The following DUSP29 variants were observed in gnomAD, a reference collection of about 807,000 sequenced individuals.
DUSP29 encodes atypical dual-specific protein phosphatase.
A neutral mutation model predicts 13.5 loss-of-function variants in DUSP29; 12 were observed. That is an observed-to-expected ratio of 0.89 (90% confidence interval 0.57 to 1.44). DUSP29 has a LOEUF of 1.44. Ranked by LOEUF, DUSP29 falls within the 40% of genes most tolerant of loss-of-function variation. The probability of loss-of-function intolerance (pLI) is 0.00; values close to 1 mark genes in which losing one functional copy is unlikely to be tolerated. For missense variants in DUSP29, 308 were observed against 301.1 expected, an observed-to-expected ratio of 1.02 and a Z score of -0.17; for synonymous variants, 134 against 128.7, an observed-to-expected ratio of 1.04 and a Z score of -0.28.
intron 1 of DUSP29, among the ~76,000 whole-genome samples, chr10:75,064,641 G>GAGCC (rs748521694): frequency 1.3e-5 from 2 of 152,168 alleles, no homozygotes; most frequent in Non-Finnish European, 2.9e-5. Context: ...TTACAAGCAT[G>GAGCC]AGCCACTGCA....
Position 75,037,879 on chromosome 10 carries a change from G to A in DUSP29, c.620C>T (p.Ser207Phe), listed in dbSNP as rs1846496566. ...DKQLVQQRRRSQRQDGEEEDG... is the reference protein window; with the variant it reads ...DKQLVQQRRRFQRQDGEEEDG... Reference sequence around the variant, plus strand: ...CTCCTCCTCACCGTCCTGGCGCTGGGACCGTCGCCTCTGCTGCACCAGCTG... The same window carrying A: ...CTCCTCCTCACCGTCCTGGCGCTGGAACCGTCGCCTCTGCTGCACCAGCTG... Residue 207 changes from serine to phenylalanine, a missense_variant, in exon 4 of 4, where the codon TCC becomes TTC. Transcript: ENST00000338487. 6.2e-7 allele frequency: 1 copy of A among 1,612,330 alleles called. No homozygotes were observed. The highest frequency in any genetic ancestry group is 1.7e-5 in the Admixed American group (1 of 60,002).
In DUSP29 at chr10:75,038,016, G is replaced by A. The variant is rs772674843; in HGVS notation, c.483C>T (p.Tyr161=). ...RSRSATLVLA[Y]LMIHKDMTLV... ...GGGTCATGTCCTTGTGGATCATCAG[G>A]TAGGCCAGGACCAGGGTGGCTGACC... Residue 161 remains tyrosine (Y), a synonymous_variant, in exon 4 of 4, where the codon TAC becomes TAT. Coordinates refer to ENST00000338487, the MANE Select transcript of DUSP29 (RefSeq NM_001003892.3). 1 of 1,613,860 alleles carries A rather than the reference G, an allele frequency of 6.2e-7. No homozygotes were observed. Among genetic ancestry groups the A allele is most frequent in the African/African-American group, 1.3e-5 (1 of 74,928 alleles).
At chr10:75,047,819 C>T (rs2134286561) in intron 2 of DUSP29, among the ~76,000 whole-genome samples, 2 of 152,304 alleles carry the variant, frequency 1.3e-5, no homozygotes, top group East Asian at 3.9e-4. Context: ...TATTTCTACT[C>T]CCCTGGAGAT....
intron 2 of DUSP29, among the ~76,000 whole-genome samples, chr10:75,047,046 A>G (rs1234238205): frequency 2.0e-5 from 3 of 152,180 alleles, no homozygotes; most frequent in African/African-American, 7.2e-5. Flanking sequence ...AACAAGACTC[A>G]TTGCCTGACA....
chr10:75,043,840 G>T lies in DUSP29; in HGVS notation c.378C>A (p.Tyr126Ter). ...LPTFDLSVFF[Y>*]PAAAFIDRAL... Reference sequence around the variant, plus strand: ...CTCTGTCGATGAAGGCTGCCGCCGGGTAGAAGAAGACACTGAGGTCGAAGG... The same window carrying T: ...CTCTGTCGATGAAGGCTGCCGCCGGTTAGAAGAAGACACTGAGGTCGAAGG... Residue 126 changes from tyrosine to a stop codon, truncating the protein, a stop_gained, in exon 3 of 4, where the codon TAC becomes TAA. Coordinates refer to ENST00000338487, the MANE Select transcript of DUSP29 (RefSeq NM_001003892.3). LOFTEE classifies it low-confidence loss of function (END_TRUNC). 1 of 1,613,868 alleles carries T rather than the reference G, an allele frequency of 6.2e-7. No homozygotes were observed. The highest frequency in any genetic ancestry group is 8.5e-7 in the Non-Finnish European group (1 of 1,179,928).
At chr10:75,067,033 C>T (rs1017346442) in intron 1 of DUSP29, among the ~76,000 whole-genome samples, 1 of 149,222 alleles carries the variant, frequency 6.7e-6, no homozygotes, top group Non-Finnish European at 1.5e-5. Flanking sequence ...TCTCAGCTCA[C>T]TGCAACCTCT....
intron 1 of DUSP29, among the ~76,000 whole-genome samples, chr10:75,071,903 G>T (rs1276917220): frequency 6.6e-6 from 1 of 152,254 alleles, no homozygotes; most frequent in African/African-American, 2.4e-5. Context: ...GCGGCTGGTT[G>T]TCAAAAGCGC....
chr10:75,061,396 G>C (rs566502356), intron 1 of DUSP29, among the ~76,000 whole-genome samples: 122 of 152,226 alleles, frequency 8.0e-4, no homozygotes, highest in Middle Eastern at 3.4e-3. Context: ...GTGAAGTGTG[G>C]AGAGGGCAAT....
chr10:75,044,902 C>T (rs1479650906), intron 2 of DUSP29, among the ~76,000 whole-genome samples: 5 of 152,268 alleles, frequency 3.3e-5, no homozygotes, highest in South Asian at 2.1e-4. Flanking sequence ...GAGGCAAGCG[C>T]GGGCCAAGCC....
intron 1 of DUSP29, among the ~76,000 whole-genome samples, chr10:75,062,788 C>T (rs1224507042): frequency 6.6e-6 from 1 of 152,132 alleles, no homozygotes; most frequent in Non-Finnish European, 1.5e-5. Context: ...ATAGATTCGA[C>T]CCAGAGATTA....
At chr10:75,054,002 AACT>A (rs533222656) in intron 2 of DUSP29, among the ~76,000 whole-genome samples, 122 of 152,342 alleles carry the variant, frequency 8.0e-4, no homozygotes, top group Admixed American at 3.3e-3. Flanking sequence ...AATACAACTT[AACT>A]ATTATTATTA....
At chr10:75,072,038 G>A (rs1173726809) in intron 1 of DUSP29, among the ~76,000 whole-genome samples, 1 of 152,192 alleles carries the variant, frequency 6.6e-6, no homozygotes, top group African/African-American at 2.4e-5. Context: ...CAACTCCAGG[G>A]AAAAACTGTC....
At chr10:75,064,502 G>A (rs551565037) in intron 1 of DUSP29, among the ~76,000 whole-genome samples, 31 of 152,168 alleles carry the variant, frequency 2.0e-4, no homozygotes, top group African/African-American at 5.1e-4. Context: ...GCGAGACTCC[G>A]TCTCAGAAAC....
intron 2 of DUSP29, among the ~76,000 whole-genome samples, chr10:75,053,026 C>T (rs1200935198): frequency 1.3e-5 from 2 of 152,334 alleles, no homozygotes; most frequent in South Asian, 2.1e-4. Flanking sequence ...GATCTCAAAT[C>T]AGGGCTGCTC....
At chr10:75,068,733 G>A (rs899061182) in intron 1 of DUSP29, among the ~76,000 whole-genome samples, 3 of 152,168 alleles carry the variant, frequency 2.0e-5, no homozygotes, top group South Asian at 2.1e-4. Flanking sequence ...GCTAGGGTAC[G>A]TGGGGAGGGG....
intron 3 of DUSP29, 22 bp downstream of exon 3, chr10:75,043,775 G>A (rs1390083284): frequency 6.2e-7 from 1 of 1,602,014 alleles, no homozygotes; most frequent in South Asian, 1.1e-5. Flanking sequence ...GGCCGATCGG[G>A]GCGGGGCCGC....
chr10:75,043,741 G>GCGAGT (rs1846637267), intron 3 of DUSP29, 56 bp downstream of exon 3: 6 of 1,476,272 alleles, frequency 4.1e-6, no homozygotes, highest in Admixed American at 2.0e-5. Context: ...TACGGGCGGG[G>GCGAGT]CGAGTCGGGG....
intron 2 of DUSP29, among the ~76,000 whole-genome samples, chr10:75,055,785 T>C (rs1173167347): frequency 2.0e-5 from 3 of 152,246 alleles, no homozygotes; most frequent in Non-Finnish European, 4.4e-5. Flanking sequence ...AAGAAAACCT[T>C]AGAGAGTTTC....
At chr10:75,040,964 G>A (rs754312070) in intron 3 of DUSP29, among the ~76,000 whole-genome samples, 22 of 152,186 alleles carry the variant, frequency 1.4e-4, no homozygotes, top group Non-Finnish European at 2.6e-4. Context: ...GAAAATGACC[G>A]GCTGTGAGAA....
Sources: allele counts gnomAD v4.1 joint callset (sites outside exome capture counted in the v4.1 genomes callset), GRCh38; gene constraint gnomAD v4.1.1; transcripts MANE v1.5; gene names NCBI Gene and HGNC (gene_info 2026-07-23, HGNC 2026-07-21).